Variants in INPP4B observed in about 807,000 individuals in gnomAD.
The protein encoded by INPP4B is inositol polyphosphate-4-phosphatase type II B.
In INPP4B, 55 loss-of-function variants were observed where a neutral mutation model predicts 122.5. That is an observed-to-expected ratio of 0.45 (90% confidence interval 0.36 to 0.56). The LOEUF is 0.56. Ranked by LOEUF, INPP4B falls within the 20% of genes least tolerant of loss-of-function variation. INPP4B has a pLI of 0.00. For missense variants in INPP4B, 1,000 were observed against 1,097.7 expected (o/e 0.91, Z 1.26); for synonymous variants, 403 against 388.7 (o/e 1.04, Z -0.43).
At chr4:142,662,188 C>T (rs1412305350) in intron 2 of INPP4B, among the ~76,000 whole-genome samples, 1 of 151,440 alleles carries the variant, frequency 6.6e-6, no homozygotes, top group South Asian at 2.1e-4. Context: ...TGAGCCAAGA[C>T]AGCGCCATTG....
At chr4:142,791,022 A>G (rs1776482476) in intron 1 of INPP4B, among the ~76,000 whole-genome samples, 1 of 152,162 alleles carries the variant, frequency 6.6e-6, no homozygotes, top group African/African-American at 2.4e-5. Flanking sequence ...AATACCTAGC[A>G]TCTATATAAA....
chr4:142,643,834 C>T (rs549216611), intron 2 of INPP4B, among the ~76,000 whole-genome samples: 1 of 152,214 alleles, frequency 6.6e-6, no homozygotes, highest in South Asian at 2.1e-4. Context: ...TTTTTCCATT[C>T]GGAATCACAC....
intron 1 of INPP4B, among the ~76,000 whole-genome samples, chr4:142,741,335 A>G (rs1355289351): frequency 6.6e-6 from 1 of 151,890 alleles, no homozygotes; most frequent in African/African-American, 2.4e-5. Flanking sequence ...TAGGAGAGAG[A>G]CGAGGAGGAG....
intron 15 of INPP4B, among the ~76,000 whole-genome samples, chr4:142,189,087 T>G (rs1834556614): frequency 6.6e-6 from 1 of 152,166 alleles, no homozygotes; most frequent in South Asian, 2.1e-4. Context: ...TAAGAAAATA[T>G]CTACCCTTAT....
intron 2 of INPP4B, among the ~76,000 whole-genome samples, chr4:142,529,728 A>G (rs1485984027): frequency 6.6e-6 from 1 of 152,024 alleles, no homozygotes; most frequent in East Asian, 1.9e-4. Context: ...TACTGGTTTA[A>G]ATTTTGATTT....
chr4:142,406,234 G>A (rs1803327356), intron 5 of INPP4B, among the ~76,000 whole-genome samples: 1 of 152,106 alleles, frequency 6.6e-6, no homozygotes, highest in Admixed American at 6.6e-5. Context: ...TTCGGCTGGT[G>A]GCTTGCTGCA....
chr4:142,129,012 C>T (rs760069470), intron 18 of INPP4B, among the ~76,000 whole-genome samples: 52 of 152,150 alleles, frequency 3.4e-4, no homozygotes, highest in Non-Finnish European at 2.4e-4. Flanking sequence ...TTGTTATTTC[C>T]GTTATCGCAA....
intron 1 of INPP4B, among the ~76,000 whole-genome samples, chr4:142,772,278 G>A (rs1010141584): frequency 1.3e-5 from 2 of 152,130 alleles, no homozygotes; most frequent in Non-Finnish European, 2.9e-5. Context: ...ATAACTGGGA[G>A]GCCTGTCCTT....
intron 7 of INPP4B, among the ~76,000 whole-genome samples, chr4:142,344,122 C>A (rs1233616005): frequency 6.6e-6 from 1 of 151,912 alleles, no homozygotes; most frequent in Non-Finnish European, 1.5e-5. Flanking sequence ...AGTTTGAATC[C>A]ATTCATACCA....
intron 1 of INPP4B, chr4:142,767,778 A>C (rs566234884): frequency 6.6e-6 from 1 of 152,270 alleles, no homozygotes; most frequent in Non-Finnish European, 1.5e-5. Context: ...GAGTGTACAG[A>C]ATGCCTCTTA....
chr4:142,434,123 T>TA (rs1320610412), intron 3 of INPP4B, among the ~76,000 whole-genome samples: 1 of 152,136 alleles, frequency 6.6e-6, no homozygotes, highest in African/African-American at 2.4e-5. Flanking sequence ...TAGTCCAGTG[T>TA]AAAAAATGGC....
At chr4:142,078,703 A>C (rs1392775536) in intron 25 of INPP4B, among the ~76,000 whole-genome samples, 1 of 152,016 alleles carries the variant, frequency 6.6e-6, no homozygotes, top group Non-Finnish European at 1.5e-5. Context: ...AATACAATAG[A>C]AAATACTTAA....
intron 1 of INPP4B, among the ~76,000 whole-genome samples, chr4:142,785,918 AG>A (rs1433807605): frequency 2.6e-5 from 4 of 152,242 alleles, no homozygotes; most frequent in Non-Finnish European, 5.9e-5. Context: ...GGAAGAAGCC[AG>A]GGGGGTTGGA....
At chr4:142,189,456 C>T (rs1211368377) in intron 15 of INPP4B, among the ~76,000 whole-genome samples, 1 of 151,864 alleles carries the variant, frequency 6.6e-6, no homozygotes, top group South Asian at 2.1e-4. Context: ...ACAGAAACGG[C>T]ATACAAGAAA....
chr4:142,236,056 T>G (rs929181863), intron 12 of INPP4B, among the ~76,000 whole-genome samples: 5 of 152,238 alleles, frequency 3.3e-5, no homozygotes, highest in African/African-American at 1.2e-4. Flanking sequence ...TTATTAAGTC[T>G]GCTTCATCTG....
At chr4:142,147,488 T>C (rs902068557) in intron 17 of INPP4B, among the ~76,000 whole-genome samples, 5 of 152,142 alleles carry the variant, frequency 3.3e-5, no homozygotes, top group Admixed American at 2.0e-4. Context: ...ACATGCTACC[T>C]AGGAGACACT....
At position 142,028,797 on chromosome 4, in the gene INPP4B, TC is replaced by T. The variant is rs1262193353; in HGVS notation, c.2759del (p.Gly920GlufsTer36). ...GTTGGTAAACTTAGGTGTCAGCTTT[TC>T]CATAAGTCCCCTCTGGAGGTCTGTA... Reference protein sequence around the residue: ...KYYRPPEGTYGKADT With the variant: ...KYYRPPEGTYXKADT On this transcript the variant is annotated frameshift_variant, in exon 26 of 26. Coordinates refer to ENST00000262992, the MANE Select transcript of INPP4B (RefSeq NM_001101669.3). LOFTEE classifies it high-confidence loss of function. 2 of 1,610,568 alleles carry T rather than the reference TC, an allele frequency of 1.2e-6. No homozygotes were observed. Among genetic ancestry groups the T allele is most frequent in the Admixed American group, 3.4e-5 (2 of 59,188 alleles).
intron 1 of INPP4B, among the ~76,000 whole-genome samples, chr4:142,773,865 G>A (rs1773453844): frequency 2.0e-5 from 3 of 151,186 alleles, no homozygotes; most frequent in Admixed American, 2.0e-4. Context: ...TGGAGAGTAA[G>A]AGCCATCTGT....
chr4:142,182,465 T>G lies in INPP4B; in HGVS notation c.1182-8656A>C, dbSNP rs1458999169. 2.0e-5 allele frequency among the ~76,000 whole-genome samples: 3 copies of G among 148,666 alleles called. No individual in the cohort carries two copies. In the Admixed American group the frequency reaches 2.0e-4, roughly 10 times the overall value. On this transcript the variant is annotated intron_variant, in intron 15 of 25. Transcript: ENST00000262992. The stretch of plus-strand genomic sequence containing the variant: ...TGAGAGGCTGAGGCAGGAGAACTGC[T>G]TGAACCCGGGAGGCGGAGCTTGCAG...
Sources: gnomAD v4.1 joint callset for allele counts (sites outside exome capture counted in the v4.1 genomes callset) on GRCh38, gnomAD v4.1.1 for gene constraint, MANE v1.5 for transcripts, NCBI Gene and HGNC (gene_info 2026-07-23, HGNC 2026-07-21) for gene names.